MAGI2: variants seen among roughly 807,000 people sequenced by gnomAD.
MAGI2 encodes membrane-associated guanylate kinase, WW and PDZ domain-containing protein 2.
Under a neutral mutation model 133.3 loss-of-function variants are expected in MAGI2, and 35 were observed. That is an observed-to-expected ratio of 0.26 (90% CI 0.20 to 0.35). MAGI2 has a LOEUF of 0.35. Among genes scored for constraint, MAGI2 ranks in the 10% least tolerant of loss-of-function variants. The pLI is 1.00. For synonymous variants in MAGI2, 729 were observed against 710.6 expected (o/e 1.03, Z -0.41); for missense variants, 1,636 against 1,863.4 (o/e 0.88, Z 2.25).
At chr7:78,653,176 C>T (rs997278319) in intron 2 of MAGI2, among the ~76,000 whole-genome samples, 3 of 152,122 alleles carry the variant, frequency 2.0e-5, no homozygotes, top group Admixed American at 2.0e-4. Flanking sequence ...AACACTTTTA[C>T]ACTGTTGGTG....
chr7:78,115,319 T>C (rs1819753371), intron 20 of MAGI2, among the ~76,000 whole-genome samples: 1 of 152,004 alleles, frequency 6.6e-6, no homozygotes, highest in Admixed American at 6.6e-5. Flanking sequence ...AAGGGTAAGA[T>C]AGAATAAGTG....
At chr7:78,890,762 A>T (rs888379178) in intron 2 of MAGI2, among the ~76,000 whole-genome samples, 16 of 152,236 alleles carry the variant, frequency 1.1e-4, no homozygotes, top group African/African-American at 3.9e-4. Flanking sequence ...CTAAATTCCC[A>T]TAAGAGAAAG....
intron 15 of MAGI2, among the ~76,000 whole-genome samples, chr7:78,166,765 C>T (rs2150636858): frequency 6.6e-6 from 1 of 152,186 alleles, no homozygotes; most frequent in Non-Finnish European, 1.5e-5. Flanking sequence ...GGGAAGACTC[C>T]CTGTATTAGG....
intron 6 of MAGI2, among the ~76,000 whole-genome samples, chr7:78,402,018 T>C (rs554209428): frequency 7.2e-5 from 11 of 152,268 alleles, no homozygotes; most frequent in African/African-American, 2.4e-4. Context: ...CTTCTATGCC[T>C]TTATCTTGCT....
At chr7:78,266,718 C>T (rs972836837) in intron 9 of MAGI2, among the ~76,000 whole-genome samples, 2 of 151,944 alleles carry the variant, frequency 1.3e-5, no homozygotes, top group Non-Finnish European at 2.9e-5. Flanking sequence ...GCTGGGACTA[C>T]AGGATCACGC....
intron 1 of MAGI2, among the ~76,000 whole-genome samples, chr7:79,389,585 A>G (rs918828247): frequency 6.6e-6 from 1 of 152,184 alleles, no homozygotes; most frequent in Non-Finnish European, 1.5e-5. Context: ...TACATGTATC[A>G]GAAAGTTTTT....
intron 2 of MAGI2, among the ~76,000 whole-genome samples, chr7:78,903,860 TC>T (rs1407830607): frequency 6.6e-6 from 1 of 152,240 alleles, no homozygotes; most frequent in Non-Finnish European, 1.5e-5. Flanking sequence ...TGTATAACTA[TC>T]CTCTTCTTTA....
intron 1 of MAGI2, among the ~76,000 whole-genome samples, chr7:79,215,210 C>T (rs978021879): frequency 6.6e-6 from 1 of 151,930 alleles, no homozygotes; most frequent in African/African-American, 2.4e-5. Flanking sequence ...GACAAACAGA[C>T]TCTTTGCAGC....
intron 2 of MAGI2, among the ~76,000 whole-genome samples, chr7:78,689,378 T>C (rs1243381408): frequency 6.6e-6 from 1 of 152,132 alleles, no homozygotes. Context: ...CCATATTCTA[T>C]AAGCTGATAT....
chr7:78,191,349 C>T (rs977717643), intron 12 of MAGI2, among the ~76,000 whole-genome samples: 4 of 151,940 alleles, frequency 2.6e-5, no homozygotes, highest in African/African-American at 7.3e-5. Flanking sequence ...GAGAAACTCT[C>T]AGTATTTAGT....
chr7:79,214,407 C>CTCTCTATATATA (rs1554406633), intron 1 of MAGI2, among the ~76,000 whole-genome samples: 1 of 17,718 alleles, frequency 5.6e-5, no homozygotes, highest in Non-Finnish European at 9.4e-5. Context: ...CTCTCTCTCT[C>CTCTCTATATATA]TATATATATA....
chr7:78,477,065 A>G (rs1031361873), intron 6 of MAGI2, among the ~76,000 whole-genome samples: 2 of 151,888 alleles, frequency 1.3e-5, no homozygotes, highest in African/African-American at 4.8e-5. Context: ...TTAATGTTCA[A>G]TTACTTGGCT....
intron 2 of MAGI2, among the ~76,000 whole-genome samples, chr7:78,956,232 A>G (rs1259564102): frequency 6.6e-6 from 1 of 152,160 alleles, no homozygotes; most frequent in Non-Finnish European, 1.5e-5. Flanking sequence ...GTAATTTATT[A>G]AAATGATGTA....
chr7:78,719,836 G>T (rs1820092675), intron 2 of MAGI2, among the ~76,000 whole-genome samples: 1 of 152,104 alleles, frequency 6.6e-6, no homozygotes, highest in Non-Finnish European at 1.5e-5. Flanking sequence ...GAGGGTAGTT[G>T]TTTGTGATTA....
chr7:79,425,576 TTTTA>T (rs1345844948), intron 1 of MAGI2, among the ~76,000 whole-genome samples: 2 of 21,094 alleles, frequency 9.5e-5, no homozygotes, highest in East Asian at 4.0e-3. Context: ...AAAATAAGGG[TTTTA>T]TATATATATA....
intron 1 of MAGI2, among the ~76,000 whole-genome samples, chr7:79,433,051 G>C (rs1191371494): frequency 6.6e-6 from 1 of 152,188 alleles, no homozygotes; most frequent in South Asian, 2.1e-4. Context: ...GGTTTCCAGA[G>C]TTCAAAAGAT....
intron 1 of MAGI2, among the ~76,000 whole-genome samples, chr7:79,181,342 G>A (rs964822279): frequency 2.0e-5 from 3 of 151,928 alleles, no homozygotes; most frequent in Non-Finnish European, 4.4e-5. Flanking sequence ...CCAAACCTCA[G>A]TTCTTGACTT....
chr7:78,301,776 T>C (rs1398316822), intron 9 of MAGI2, among the ~76,000 whole-genome samples: 3 of 152,236 alleles, frequency 2.0e-5, no homozygotes, highest in African/African-American at 7.2e-5. Flanking sequence ...AATTCATTTT[T>C]CTATGCTTGT....
intron 2 of MAGI2, among the ~76,000 whole-genome samples, chr7:78,802,375 G>T (rs1293498628): frequency 6.6e-6 from 1 of 152,084 alleles, no homozygotes; most frequent in Non-Finnish European, 1.5e-5. Flanking sequence ...CAAAGTTTAA[G>T]GGTTTGTATT....
Sources: gnomAD v4.1 joint callset for allele counts (sites outside exome capture counted in the v4.1 genomes callset) on GRCh38, gnomAD v4.1.1 for gene constraint, MANE v1.5 for transcripts, NCBI Gene and HGNC (gene_info 2026-07-23, HGNC 2026-07-21) for gene names.